The following DLG2 variants were observed in gnomAD, a reference collection of about 807,000 sequenced individuals.
DLG2 encodes the protein disks large homolog 2.
A neutral mutation model predicts 132.5 loss-of-function variants in DLG2; 45 were observed. The ratio of observed to expected loss-of-function variants is 0.34; its 90% confidence interval spans 0.27 to 0.44. DLG2 has a LOEUF of 0.44. Among genes scored for constraint, DLG2 ranks in the 20% least tolerant of loss-of-function variants. DLG2 has a pLI of 1.00. For synonymous variants in DLG2, 424 were observed against 419.6 expected (o/e 1.01, Z -0.13); for missense variants, 1,045 against 1,196.9 (o/e 0.87, Z 1.87).
rs79047760 is a variant in DLG2 at position 84,352,152 on chromosome 11, C to G, written c.520-100861G>C. Among the ~76,000 whole-genome samples the G allele has an allele frequency of 5.1e-3, 780 of 152,288 alleles. 12 individuals are homozygous for G. The highest frequency in any genetic ancestry group is 0.018 in the African/African-American group (733 of 41,562). ...CACCAACCAAAAGAAGACCTTCTCC[C>G]GCTCTTGCTCCACAGCATGGCATGA... is the stretch of plus-strand genomic sequence containing the variant. On this transcript the variant is annotated intron_variant, in intron 7 of 27. Transcript: ENST00000376104.
intron 6 of DLG2, among the ~76,000 whole-genome samples, chr11:84,983,333 G>A (rs1042216822): frequency 6.6e-6 from 1 of 152,096 alleles, no homozygotes; most frequent in African/African-American, 2.4e-5. Flanking sequence ...TAGACAACCC[G>A]CATTATCAGC....
At chr11:84,689,219 G>A (rs1359755001) in intron 6 of DLG2, among the ~76,000 whole-genome samples, 1 of 151,952 alleles carries the variant, frequency 6.6e-6, no homozygotes, top group African/African-American at 2.4e-5. Context: ...TCATCATTTT[G>A]TGACATTTAC....
chr11:84,420,143 C>G (rs1271694899), intron 7 of DLG2, among the ~76,000 whole-genome samples: 1 of 152,094 alleles, frequency 6.6e-6, no homozygotes, highest in African/African-American at 2.4e-5. Flanking sequence ...ATCACGTAAA[C>G]CTTCTTAGTA....
intron 8 of DLG2, among the ~76,000 whole-genome samples, chr11:84,216,438 A>G (rs564818604): frequency 2.6e-5 from 4 of 152,298 alleles, no homozygotes; most frequent in Admixed American, 1.3e-4. Flanking sequence ...TCTGCCTACT[A>G]CACTATAATA....
At chr11:85,162,944 G>A (rs1041345437) in intron 4 of DLG2, among the ~76,000 whole-genome samples, 1 of 152,110 alleles carries the variant, frequency 6.6e-6, no homozygotes, top group Non-Finnish European at 1.5e-5. Context: ...GGGAAAGGCA[G>A]ACCCACCCTT....
chr11:85,173,016 A>C (rs1190185619), intron 4 of DLG2, among the ~76,000 whole-genome samples: 2 of 152,190 alleles, frequency 1.3e-5, no homozygotes, highest in Non-Finnish European at 1.5e-5. Context: ...TGAAAGAGAC[A>C]AGGAGAATGG....
intron 2 of DLG2, among the ~76,000 whole-genome samples, chr11:85,609,361 G>A (rs1006389703): frequency 2.0e-5 from 3 of 152,110 alleles, no homozygotes; most frequent in Admixed American, 1.3e-4. Flanking sequence ...GGCAACCTCA[G>A]TGTTCTATAA....
intron 7 of DLG2, among the ~76,000 whole-genome samples, chr11:84,363,668 A>G (rs1432199014): frequency 4.0e-5 from 6 of 151,836 alleles, no homozygotes; most frequent in Non-Finnish European, 8.8e-5. Context: ...TCTTTAATCC[A>G]TCTTGAACTG....
chr11:85,528,512 T>C (rs1206572450), intron 3 of DLG2, among the ~76,000 whole-genome samples: 1 of 152,168 alleles, frequency 6.6e-6, no homozygotes, highest in Non-Finnish European at 1.5e-5. Flanking sequence ...TATGAAGCAG[T>C]AGGAAATCTC....
intron 18 of DLG2, among the ~76,000 whole-genome samples, chr11:83,724,383 T>A (rs1323773633): frequency 6.6e-6 from 1 of 152,066 alleles, no homozygotes. Context: ...CTGAAATCAA[T>A]GTGGATCCAG....
chr11:85,538,228 C>T (rs999783638), intron 3 of DLG2, among the ~76,000 whole-genome samples: 4 of 152,002 alleles, frequency 2.6e-5, no homozygotes, highest in Non-Finnish European at 5.9e-5. Flanking sequence ...TCTAGACACA[C>T]TATCCCCCAA....
intron 6 of DLG2, among the ~76,000 whole-genome samples, chr11:84,849,264 A>G (rs992589365): frequency 6.6e-6 from 1 of 152,294 alleles, no homozygotes; most frequent in Middle Eastern, 3.4e-3. Flanking sequence ...TGGTTGTTTT[A>G]AGCAATTATA....
At chr11:84,106,289 C>T (rs184222874) in intron 9 of DLG2, among the ~76,000 whole-genome samples, 1 of 152,186 alleles carries the variant, frequency 6.6e-6, no homozygotes. Context: ...TTTTCATACA[C>T]ATTACTTGTT....
chr11:83,510,292 G>A (rs2094940241), intron 21 of DLG2, among the ~76,000 whole-genome samples: 1 of 151,810 alleles, frequency 6.6e-6, no homozygotes, highest in South Asian at 2.1e-4. Flanking sequence ...TCAGTTTCAG[G>A]AGCTGACAGT....
chr11:84,098,029 A>T (rs773636603), intron 10 of DLG2, among the ~76,000 whole-genome samples: 34 of 122,266 alleles, frequency 2.8e-4, no homozygotes, highest in Middle Eastern at 4.3e-3. Flanking sequence ...TAAACTCACC[A>T]TGTGCCTTTT....
chr11:83,572,519 A>G (rs1361661045), intron 19 of DLG2, among the ~76,000 whole-genome samples: 2 of 152,228 alleles, frequency 1.3e-5, no homozygotes, highest in Non-Finnish European at 2.9e-5. Context: ...AAGATGATAC[A>G]GACAGGTAGC....
At chr11:85,353,630 C>T (rs1397604232) in intron 3 of DLG2, among the ~76,000 whole-genome samples, 1 of 152,128 alleles carries the variant, frequency 6.6e-6, no homozygotes, top group East Asian at 1.9e-4. Flanking sequence ...AAATGTGGCA[C>T]ATATACACCA....
At chr11:83,612,764 G>A (rs2060291684) in intron 19 of DLG2, among the ~76,000 whole-genome samples, 1 of 152,176 alleles carries the variant, frequency 6.6e-6, no homozygotes, top group Admixed American at 6.5e-5. Flanking sequence ...GGAAGAGACA[G>A]TATGCAGATT....
At position 84,530,924 on chromosome 11, in the gene DLG2, T is replaced by C. The variant is rs2099336965; in HGVS notation, c.519+3646A>G. ...TCAGGAAAATGTGGTACATATACAC[T>C]ACAAAATACTGCACAGCCATAAAAA... is the stretch of plus-strand genomic sequence containing the variant. On this transcript the variant is annotated intron_variant, in intron 7 of 27. Transcript: ENST00000376104. Among the ~76,000 whole-genome samples, 3 of 152,026 alleles carry C rather than the reference T, an allele frequency of 2.0e-5. No individual in the cohort carries two copies. In the South Asian group the frequency reaches 6.2e-4, roughly 32 times the overall value.
Sources: gnomAD v4.1 joint callset for allele counts (sites outside exome capture counted in the v4.1 genomes callset) on GRCh38, gnomAD v4.1.1 for gene constraint, MANE v1.5 for transcripts, NCBI Gene and HGNC (gene_info 2026-07-23, HGNC 2026-07-21) for gene names.